EYA2: variants seen among roughly 807,000 people sequenced by gnomAD.
The protein encoded by EYA2 is EYA transcriptional coactivator and phosphatase 2.
In EYA2, 31 loss-of-function variants were observed where a neutral mutation model predicts 69.2. The ratio of observed to expected loss-of-function variants is 0.45; its 90% CI spans 0.34 to 0.60. EYA2 has a LOEUF of 0.60. Among genes scored for constraint, EYA2 ranks in the 20% least tolerant of loss-of-function variants. EYA2 has a pLI of 0.02. For missense variants in EYA2, 622 were observed against 701.2 expected (o/e 0.89, Z 1.28); for synonymous variants, 257 against 279.4 (o/e 0.92, Z 0.80).
At chr20:47,031,624 G>C (rs1984421529) in intron 5 of EYA2, among the ~76,000 whole-genome samples, 1 of 152,212 alleles carries the variant, frequency 6.6e-6, no homozygotes, top group South Asian at 2.1e-4. Flanking sequence ...TTTACTCCCA[G>C]AGGAATGAAG....
At chr20:46,934,527 G>A (rs143895641) in intron 1 of EYA2, among the ~76,000 whole-genome samples, 307 of 152,254 alleles carry the variant, frequency 2.0e-3, no homozygotes, top group African/African-American at 7.1e-3. Flanking sequence ...ACTGTGGGAC[G>A]CGAAAGTGAT....
chr20:47,042,039 A>G (rs1052125926), intron 5 of EYA2, among the ~76,000 whole-genome samples: 1 of 152,214 alleles, frequency 6.6e-6, no homozygotes, highest in Non-Finnish European at 1.5e-5. Context: ...AAGTTAAATT[A>G]TAGCCAAGTA....
At chr20:46,963,947 G>T (rs997338244) in intron 1 of EYA2, among the ~76,000 whole-genome samples, 2 of 152,222 alleles carry the variant, frequency 1.3e-5, no homozygotes, top group Non-Finnish European at 2.9e-5. Flanking sequence ...TCGGGTCCTT[G>T]GTCTTAGAGC....
At chr20:47,183,723 A>G (rs1344642515) in intron 15 of EYA2, among the ~76,000 whole-genome samples, 5 of 152,128 alleles carry the variant, frequency 3.3e-5, no homozygotes, top group Admixed American at 1.3e-4. Flanking sequence ...CTTACTGATC[A>G]TATGTTCCAG....
intron 9 of EYA2, among the ~76,000 whole-genome samples, chr20:47,139,414 A>G (rs1216527523): frequency 6.6e-6 from 1 of 152,196 alleles, no homozygotes; most frequent in Non-Finnish European, 1.5e-5. Context: ...TTAAAAATGT[A>G]ACCTCCAAAT....
At chr20:47,162,644 A>T (rs938076934) in intron 10 of EYA2, among the ~76,000 whole-genome samples, 1 of 149,858 alleles carries the variant, frequency 6.7e-6, no homozygotes, top group Non-Finnish European at 1.5e-5. Context: ...TCAGCCTCCC[A>T]AGTAGCTACA....
chr20:46,901,480 T>C (rs2146211352), intron 1 of EYA2: 1 of 152,318 alleles, frequency 6.6e-6, no homozygotes, highest in South Asian at 2.1e-4. Flanking sequence ...AGAGAGCGTG[T>C]CCACCACGTC....
At chr20:46,925,365 T>C (rs560943739) in intron 1 of EYA2, among the ~76,000 whole-genome samples, 2 of 152,288 alleles carry the variant, frequency 1.3e-5, no homozygotes, top group South Asian at 4.1e-4. Context: ...CTCAGCATAA[T>C]GCAAATACCA....
chr20:47,031,499 C>T (rs1984413928), intron 5 of EYA2, among the ~76,000 whole-genome samples: 1 of 152,190 alleles, frequency 6.6e-6, no homozygotes, highest in Admixed American at 6.5e-5. Flanking sequence ...CCCTTCCCCT[C>T]CGCTTCTCTA....
chr20:47,162,542 C>T (rs2034090665), intron 10 of EYA2, among the ~76,000 whole-genome samples: 1 of 113,988 alleles, frequency 8.8e-6, no homozygotes, highest in South Asian at 2.7e-4. Context: ...TTTTGAGACA[C>T]AGTCTCGCCC....
chr20:46,917,979 A>G (rs1264014238), intron 1 of EYA2, among the ~76,000 whole-genome samples: 4 of 152,160 alleles, frequency 2.6e-5, no homozygotes, highest in Non-Finnish European at 4.4e-5. Context: ...GTAGCATGCA[A>G]TGCTGTTTTA....
intron 9 of EYA2, among the ~76,000 whole-genome samples, chr20:47,115,320 A>G (rs1019580979): frequency 6.6e-6 from 1 of 152,180 alleles, no homozygotes. Flanking sequence ...TTCCCTGGCC[A>G]TACAGGTGCC....
At chr20:47,071,192 T>C (rs1399862241) in intron 5 of EYA2, among the ~76,000 whole-genome samples, 1 of 152,006 alleles carries the variant, frequency 6.6e-6, no homozygotes, top group Non-Finnish European at 1.5e-5. Flanking sequence ...GTATTTTTAG[T>C]AGAGACAGAA....
intron 7 of EYA2, among the ~76,000 whole-genome samples, chr20:47,081,673 G>C (rs1442590743): frequency 2.0e-5 from 3 of 151,342 alleles, no homozygotes; most frequent in Non-Finnish European, 4.4e-5. Flanking sequence ...CAGCTACTCA[G>C]GAGGCTGAGG....
At chr20:47,164,013 A>C (rs1481598390) in intron 10 of EYA2, among the ~76,000 whole-genome samples, 3 of 151,930 alleles carry the variant, frequency 2.0e-5, no homozygotes, top group African/African-American at 7.3e-5. Flanking sequence ...TTCAGCACCC[A>C]CCCCAAGATA....
At chr20:46,899,719 A>G (rs1263072765) in intron 1 of EYA2, among the ~76,000 whole-genome samples, 1 of 152,206 alleles carries the variant, frequency 6.6e-6, no homozygotes, top group Admixed American at 6.5e-5. Flanking sequence ...TTGAACGTTA[A>G]GGGAGGCCAC....
At chr20:47,085,798 A>G (rs542039992) in intron 7 of EYA2, among the ~76,000 whole-genome samples, 2 of 152,356 alleles carry the variant, frequency 1.3e-5, no homozygotes, top group South Asian at 2.1e-4. Flanking sequence ...ACCAAAGTCT[A>G]TAGTGAAAGA....
chr20:47,096,575 A>G (rs1247887896), intron 8 of EYA2, among the ~76,000 whole-genome samples: 1 of 152,236 alleles, frequency 6.6e-6, no homozygotes, highest in Non-Finnish European at 1.5e-5. Flanking sequence ...CAGAGAAACA[A>G]CAGAGATTTC....
chr20:47,064,850 A>G (rs1350703733), intron 5 of EYA2, among the ~76,000 whole-genome samples: 3 of 152,176 alleles, frequency 2.0e-5, no homozygotes, highest in Non-Finnish European at 2.9e-5. Flanking sequence ...AGTGTCCAAC[A>G]TGAGAGATGC....
Sources: gnomAD v4.1 joint callset for allele counts (sites outside exome capture counted in the v4.1 genomes callset) on GRCh38, gnomAD v4.1.1 for gene constraint, MANE v1.5 for transcripts, NCBI Gene and HGNC (gene_info 2026-07-23, HGNC 2026-07-21) for gene names.